Variants in BDH1 observed in about 807,000 individuals in gnomAD.
BDH1 encodes the protein D-beta-hydroxybutyrate dehydrogenase, mitochondrial.
In BDH1, 30 loss-of-function variants were observed where a neutral mutation model predicts 33.1. The observed-to-expected ratio is 0.91, with a 90% CI of 0.68 to 1.23. BDH1 has a LOEUF of 1.23. Ranked by LOEUF, BDH1 falls within the 50% of genes most tolerant of loss-of-function variation. The pLI is 0.00. For synonymous variants in BDH1, 190 were observed against 183.6 expected, an observed-to-expected ratio of 1.03 and a Z score of -0.28; for missense variants, 443 against 464.4, an observed-to-expected ratio of 0.95 and a Z score of 0.42.
Position 197,521,928 on chromosome 3 carries a change from G to A in BDH1, c.409+712C>T, listed in dbSNP as rs1241859516. Reference sequence around the variant, plus strand: ...CCATTCCCTCAGGATGACCCCTTCAGTGGCTCCCCAGTGCCATTGGGAGAC... The same window carrying A: ...CCATTCCCTCAGGATGACCCCTTCAATGGCTCCCCAGTGCCATTGGGAGAC... On this transcript the variant is annotated intron_variant, in intron 6 of 7. Transcript: ENST00000392379. The surrounding 1 kb of genome is among the most constrained non-coding windows in gnomAD (Gnocchi z 4.9). Among the ~76,000 whole-genome samples the A allele has an allele frequency of 6.6e-6, 1 of 152,176 alleles. No homozygotes were observed. Among genetic ancestry groups the A allele is most frequent in the Non-Finnish European group, 1.5e-5 (1 of 68,038 alleles).
chr3:197,535,713 C>T (rs1715097676), intron 3 of BDH1, among the ~76,000 whole-genome samples: 1 of 152,178 alleles, frequency 6.6e-6, no homozygotes, highest in Non-Finnish European at 1.5e-5. Flanking sequence ...TCTTTGCCCC[C>T]AGGACCCAAA....
intron 3 of BDH1, among the ~76,000 whole-genome samples, chr3:197,543,574 G>T (rs1390302495): frequency 3.9e-5 from 6 of 152,226 alleles, no homozygotes; most frequent in African/African-American, 9.6e-5. Context: ...ACAGCAGGTT[G>T]TCAAGTGTTG....
chr3:197,565,209 G>A (rs746436343), intron 1 of BDH1, among the ~76,000 whole-genome samples: 6 of 152,102 alleles, frequency 3.9e-5, no homozygotes, highest in Non-Finnish European at 7.4e-5. Context: ...GCCATGAGCC[G>A]CCGCACCCAG....
At position 197,511,552 on chromosome 3, in the gene BDH1, C is replaced by G. The variant is rs1477143707; in HGVS notation, c.*343G>C. On this transcript the variant is annotated 3_prime_UTR_variant, in exon 8 of 8. Transcript: ENST00000392379. ...TCATTTACAAAAGAAAAAAACCTGT[C>G]CTTTTCATTCATGAGACTGGCTTAA... 2 of 313,632 alleles carry G rather than the reference C, an allele frequency of 6.4e-6. No individual in the cohort carries two copies. Among genetic ancestry groups the G allele is most frequent in the Non-Finnish European group, 1.2e-5 (2 of 172,270 alleles). The allele number at this position is 313,632 out of a possible 1,614,324, so 19.4% of individuals were successfully genotyped here. A position where few individuals can be genotyped will look rare whatever the true frequency, so the allele number is the denominator to read the frequency against.
intron 1 of BDH1, among the ~76,000 whole-genome samples, chr3:197,564,290 T>G (rs7627975): frequency 0.036 from 5,511 of 152,020 alleles, 311 homozygotes; most frequent in African/African-American, 0.12. Flanking sequence ...ATGAACAGTC[T>G]GTGTAAGTCA....
At chr3:197,542,797 C>T (rs1035328484) in intron 3 of BDH1, among the ~76,000 whole-genome samples, 17 of 152,018 alleles carry the variant, frequency 1.1e-4, no homozygotes, top group Middle Eastern at 3.4e-3. Flanking sequence ...GCTGGGATTA[C>T]ACGTGTGAGC....
intron 3 of BDH1, among the ~76,000 whole-genome samples, chr3:197,536,862 A>T (rs559966738): frequency 2.0e-5 from 3 of 152,214 alleles, no homozygotes; most frequent in Non-Finnish European, 4.4e-5. Context: ...CCAACCAAAC[A>T]AACAAAAACA....
chr3:197,534,397 G>T (rs1378157506), intron 3 of BDH1, among the ~76,000 whole-genome samples: 1 of 152,180 alleles, frequency 6.6e-6, no homozygotes, highest in East Asian at 1.9e-4. Flanking sequence ...AGATTGTTAT[G>T]TATCAATAAT....
At chr3:197,532,651 G>T in intron 4 of BDH1, 129 bp from the exon 5 acceptor site, 3 of 650,946 alleles carry the variant, frequency 4.6e-6, no homozygotes, top group Non-Finnish European at 8.2e-6. Flanking sequence ...TCCCTACCTT[G>T]TTCTTGTTGT....
intron 3 of BDH1, among the ~76,000 whole-genome samples, chr3:197,542,038 T>G (rs1390613893): frequency 2.0e-5 from 3 of 152,234 alleles, no homozygotes; most frequent in African/African-American, 7.2e-5. Context: ...AGTGGTCACG[T>G]GACCTGCCTC....
rs1404826100 is a variant in BDH1 at position 197,528,287 on chromosome 3, TATGA to T, written c.267+4121_267+4124del. ...CACAGGGTGTGGTGGTGTAGGTCTG[TATGA>T]GTGAGTGAGTGAGTGTGTGTGTGTG... On this transcript the variant is annotated intron_variant, in intron 5 of 7. Transcript: ENST00000392379. This position sits in a 1 kb window ranked among gnomAD's most constrained non-coding sequence, Gnocchi z 5.1. 2 of 149,200 alleles carry T rather than the reference TATGA, an allele frequency of 1.3e-5. No individual in the cohort carries two copies. Among genetic ancestry groups the T allele is most frequent in the South Asian group, 2.1e-4 (1 of 4,662 alleles). The allele number at this position is 149,200 out of a possible 1,614,324, so 9.2% of individuals were successfully genotyped here. A position where few individuals can be genotyped will look rare whatever the true frequency, so the allele number is the denominator to read the frequency against.
intron 1 of BDH1, among the ~76,000 whole-genome samples, chr3:197,565,140 T>C (rs1717393946): frequency 6.6e-6 from 1 of 152,184 alleles, no homozygotes; most frequent in African/African-American, 2.4e-5. Context: ...CAGGCTGGTC[T>C]CAAACTCCCA....
chr3:197,522,968 A>G lies in BDH1; in HGVS notation c.268-187T>C, dbSNP rs1579901485. The G allele has an allele frequency of 4.9e-6, 3 of 612,342 alleles. No homozygotes were observed. In the East Asian group the frequency reaches 8.5e-5, roughly 17 times the overall value. The allele number at this position is 612,342 out of a possible 1,614,324, so 37.9% of individuals were successfully genotyped here. The stretch of plus-strand genomic sequence containing the variant: ...AATCCTGAGCACTGATGACCTATCA[A>G]GCATCAAGCTATGTGCCACAGACAC... On this transcript the variant is annotated intron_variant, in intron 5 of 7. Coordinates refer to ENST00000392379, the MANE Select transcript of BDH1 (RefSeq NM_203314.3). This position sits in a 1 kb window ranked among gnomAD's most constrained non-coding sequence, Gnocchi z 4.8.
intron 1 of BDH1, among the ~76,000 whole-genome samples, chr3:197,567,631 G>C (rs1339892796): frequency 1.3e-5 from 2 of 152,180 alleles, no homozygotes; most frequent in Non-Finnish European, 1.5e-5. Flanking sequence ...AGGACCGCTT[G>C]AGGCAGTGTT....
At chr3:197,532,113 C>T (rs1468243305) in intron 5 of BDH1, among the ~76,000 whole-genome samples, 1 of 152,198 alleles carries the variant, frequency 6.6e-6, no homozygotes, top group Non-Finnish European at 1.5e-5. Flanking sequence ...CCTCACCACT[C>T]GACAGGGAGC....
rs540863915 is a variant in BDH1 at position 197,523,730 on chromosome 3, C to A, written c.268-949G>T. ...CACAGTGACTGTGTGCTGTATGGAA[C>A]CTGGCGGGAGGTGGGAGGGGCACAG... On this transcript the variant is annotated intron_variant, in intron 5 of 7. Coordinates refer to ENST00000392379, the MANE Select transcript of BDH1 (RefSeq NM_203314.3). The surrounding 1 kb of genome is among the most constrained non-coding windows in gnomAD (Gnocchi z 4.5). Among the ~76,000 whole-genome samples the A allele has an allele frequency of 6.6e-6, 1 of 152,222 alleles. No homozygotes were observed. Among genetic ancestry groups the A allele is most frequent in the South Asian group, 2.1e-4 (1 of 4,806 alleles).
At chr3:197,527,749 C>T (rs1005891746) in intron 5 of BDH1, among the ~76,000 whole-genome samples, 1 of 152,050 alleles carries the variant, frequency 6.6e-6, no homozygotes, top group South Asian at 2.1e-4. Context: ...TTCTGTGACA[C>T]TCCCTCCCGC....
chr3:197,541,593 GATCAAT>G (rs1715628390), intron 3 of BDH1, among the ~76,000 whole-genome samples: 1 of 152,078 alleles, frequency 6.6e-6, no homozygotes, highest in South Asian at 2.1e-4. Flanking sequence ...GTACACCAGG[GATCAAT>G]ATACAGCTTT....
chr3:197,540,558 A>G lies in BDH1; in HGVS notation c.83+5803T>C, dbSNP rs527387572. ...GTGGCACACGCCTATAATCCCAGCT[A>G]CTCAGGAGGCTGAGGCAGGAGAATC... On this transcript the variant is annotated intron_variant, in intron 3 of 7. Coordinates refer to ENST00000392379, the MANE Select transcript of BDH1 (RefSeq NM_203314.3). Among the ~76,000 whole-genome samples the G allele has an allele frequency of 2.2e-3, 338 of 152,032 alleles. 3 individuals are homozygous for G. The highest frequency in any genetic ancestry group is 2.0e-3 in the Non-Finnish European group (136 of 67,958).
Sources: gnomAD v4.1 joint callset for allele counts (sites outside exome capture counted in the v4.1 genomes callset) on GRCh38, gnomAD v4.1.1 for gene constraint, Gnocchi (gnomAD v3.1) non-coding constraint, MANE v1.5 for transcripts, NCBI Gene and HGNC (gene_info 2026-07-23, HGNC 2026-07-21) for gene names.